The following LYPLAL1 variants were observed in gnomAD, a reference collection of about 807,000 sequenced individuals.
LYPLAL1 encodes lysophospholipase like 1, also known as lysophospholipase-like protein 1.
A neutral mutation model predicts 19.7 loss-of-function variants in LYPLAL1; 23 were observed. The observed-to-expected ratio is 1.17, with a 90% CI of 0.84 to 1.65. The LOEUF (loss-of-function observed/expected upper bound fraction) is 1.65, where lower values mean the gene tolerates loss of function less well. LYPLAL1 is among the 40% of genes most tolerant of loss of function. The pLI, the probability that LYPLAL1 is intolerant of heterozygous loss-of-function variation, is 0.00. For synonymous variants in LYPLAL1, 119 were observed against 96.3 expected (o/e 1.24, Z -1.38); for missense variants, 355 against 279.4 (o/e 1.27, Z -1.93).
chr1:219,362,025 A>G, the LYPLAL1 span, among the ~76,000 whole-genome samples: 99 of 152,248 alleles, frequency 6.5e-4, no homozygotes, highest in South Asian at 2.7e-3. Context: ...CCAAAATTAA[A>G]TGTTAATCCT....
chr1:219,415,913 T>A, the LYPLAL1 span, among the ~76,000 whole-genome samples: 1 of 152,228 alleles, frequency 6.6e-6, no homozygotes, highest in Non-Finnish European at 1.5e-5. Flanking sequence ...AGTGTGCCTG[T>A]CTTCACATAG....
chr1:219,231,292 T>A, the LYPLAL1 span, among the ~76,000 whole-genome samples: 1 of 152,138 alleles, frequency 6.6e-6, no homozygotes, highest in Non-Finnish European at 1.5e-5. Context: ...ATTGGAAACA[T>A]CAAACACTGT....
the LYPLAL1 span, among the ~76,000 whole-genome samples, chr1:219,301,299 CA>C: frequency 6.6e-6 from 1 of 152,034 alleles, no homozygotes; most frequent in African/African-American, 2.4e-5. Context: ...TCTAAGAAAA[CA>C]GGTACAAAAA....
chr1:219,403,273 G>A, the LYPLAL1 span, among the ~76,000 whole-genome samples: 3 of 152,310 alleles, frequency 2.0e-5, no homozygotes, highest in East Asian at 1.9e-4. Flanking sequence ...TATAGTGGCA[G>A]AGACAGACAA....
At chr1:219,284,887 A>AT in the LYPLAL1 span, among the ~76,000 whole-genome samples, 1 of 152,198 alleles carries the variant, frequency 6.6e-6, no homozygotes, top group African/African-American at 2.4e-5. Context: ...AGCAAATTGG[A>AT]TTGAATCCTC....
the LYPLAL1 span, among the ~76,000 whole-genome samples, chr1:219,235,689 C>T: frequency 2.0e-5 from 3 of 152,090 alleles, no homozygotes; most frequent in Non-Finnish European, 4.4e-5. Context: ...CTATGTGAGC[C>T]CCTAAATTCA....
the LYPLAL1 span, among the ~76,000 whole-genome samples, chr1:219,430,281 C>G: frequency 1.8e-5 from 2 of 110,858 alleles, no homozygotes; most frequent in Non-Finnish European, 3.4e-5. Flanking sequence ...AGACAAGATC[C>G]TAGCTCAAAA....
At chr1:219,187,518 T>C (rs1470171937) in intron 2 of LYPLAL1, among the ~76,000 whole-genome samples, 2 of 151,764 alleles carry the variant, frequency 1.3e-5, no homozygotes, top group Non-Finnish European at 3.0e-5. Flanking sequence ...TTGTGTTTAT[T>C]ATTAGAATTT....
the LYPLAL1 span, among the ~76,000 whole-genome samples, chr1:219,324,009 C>G: frequency 6.6e-6 from 1 of 152,180 alleles, no homozygotes; most frequent in Non-Finnish European, 1.5e-5. Context: ...TAAGCCGATG[C>G]TCTCTTCACT....
chr1:219,174,122 T>C lies in LYPLAL1; in HGVS notation c.91+141T>C, dbSNP rs547264647. 1.2e-4 allele frequency: 169 copies of C among 1,467,974 alleles called. 2 individuals carry two copies. In the East Asian group the frequency reaches 4.0e-3, roughly 35 times the overall value. The allele number at this position is 1,467,974 out of a possible 1,614,324, so 90.9% of individuals were successfully genotyped here. On this transcript the variant is annotated intron_variant, in intron 1 of 4. Coordinates refer to ENST00000366928, the MANE Select transcript of LYPLAL1 (RefSeq NM_138794.5). ...GCTCCCCCGTCGCCAGCCCCGGCTG[T>C]AGATGCACGGGCAGCGCCACCTGCC...
the LYPLAL1 span, among the ~76,000 whole-genome samples, chr1:219,335,598 A>T: frequency 1.3e-5 from 2 of 151,598 alleles, no homozygotes; most frequent in African/African-American, 4.8e-5. Flanking sequence ...TGCAGAATAA[A>T]ATTTTTTAAA....
rs1029861739 is a variant in LYPLAL1 at position 219,212,682 on chromosome 1, A to T, written c.*954A>T. On this transcript the variant is annotated 3_prime_UTR_variant, in exon 5 of 5. Coordinates refer to ENST00000366928, the MANE Select transcript of LYPLAL1 (RefSeq NM_138794.5). ...AATCATACAATACCTGCCTGCTTTC[A>T]TTCAACAAAATTATCATGAGATTTT... The T allele has an allele frequency of 3.3e-5, 5 of 152,082 alleles. No homozygotes were observed. Among genetic ancestry groups the T allele is most frequent in the Non-Finnish European group, 7.4e-5 (5 of 67,958 alleles). 9.4% of individuals were successfully genotyped at this position (152,082 alleles called of 1,614,324 possible).
In LYPLAL1 at chr1:219,185,792, A is replaced by G. The variant is rs565310901; in HGVS notation, c.191+6546A>G. 2.0e-5 allele frequency among the ~76,000 whole-genome samples: 3 copies of G among 152,056 alleles called. No individual in the cohort carries two copies. In the East Asian group the frequency reaches 5.8e-4, roughly 29 times the overall value. ...CTTATTACCGTAACACCTATGTGAG[A>G]CCTCACCATGTAGTATCTTGGCAGC... On this transcript the variant is annotated intron_variant, in intron 2 of 4. Coordinates refer to ENST00000366928, the MANE Select transcript of LYPLAL1 (RefSeq NM_138794.5).
the LYPLAL1 span, among the ~76,000 whole-genome samples, chr1:219,400,500 T>A: frequency 2.3e-5 from 1 of 44,216 alleles, no homozygotes; most frequent in South Asian, 1.4e-3. Flanking sequence ...TCTATCTATC[T>A]TTTTTTTTTT....
the LYPLAL1 span, among the ~76,000 whole-genome samples, chr1:219,282,663 C>T: frequency 2.6e-5 from 4 of 152,034 alleles, no homozygotes; most frequent in Non-Finnish European, 5.9e-5. Flanking sequence ...TCTTAGAAGA[C>T]AGTGGAACAA....
chr1:219,319,428 A>T, the LYPLAL1 span, among the ~76,000 whole-genome samples: 3 of 152,172 alleles, frequency 2.0e-5, no homozygotes, highest in Admixed American at 2.0e-4. Context: ...GGATTCCATG[A>T]GGCTGATTCT....
At chr1:219,181,883 A>G (rs1485526862) in intron 2 of LYPLAL1, among the ~76,000 whole-genome samples, 1 of 152,168 alleles carries the variant, frequency 6.6e-6, no homozygotes. Context: ...AGCACTTAGC[A>G]TAGAACCTGA....
the LYPLAL1 span, among the ~76,000 whole-genome samples, chr1:219,308,186 A>C: frequency 6.6e-6 from 1 of 152,142 alleles, no homozygotes; most frequent in Non-Finnish European, 1.5e-5. Flanking sequence ...GGAACTTTGA[A>C]CTTGAGAGAG....
At chr1:219,360,619 C>T in the LYPLAL1 span, among the ~76,000 whole-genome samples, 1 of 152,114 alleles carries the variant, frequency 6.6e-6, no homozygotes, top group Non-Finnish European at 1.5e-5. Flanking sequence ...TTGTGTGTGT[C>T]TGTGCATATG....
Sources: allele counts gnomAD v4.1 joint callset (sites outside exome capture counted in the v4.1 genomes callset), GRCh38; gene constraint gnomAD v4.1.1; transcripts MANE v1.5; gene names NCBI Gene and HGNC (gene_info 2026-07-23, HGNC 2026-07-21).